XRCC6: variants seen among roughly 807,000 people sequenced by gnomAD.
XRCC6 encodes DNA repair protein Ku70.
XRCC6 carries 5 observed loss-of-function variants against 65.7 expected under a neutral mutation model. The ratio of observed to expected loss-of-function variants is 0.08; its 90% CI spans 0.04 to 0.16. XRCC6 has a LOEUF of 0.16. XRCC6 is among the 10% of genes least tolerant of loss of function. The probability of loss-of-function intolerance (pLI) is 1.00; values close to 1 mark genes in which losing one functional copy is unlikely to be tolerated. For synonymous variants in XRCC6, 270 were observed against 270.6 expected (o/e 1.00, Z 0.02); for missense variants, 447 against 738.1 (o/e 0.61, Z 4.57).
intron 6 of XRCC6, among the ~76,000 whole-genome samples, chr22:41,641,912 C>T (rs1202922088): frequency 6.6e-6 from 1 of 152,100 alleles, no homozygotes; most frequent in Non-Finnish European, 1.5e-5. Flanking sequence ...CCTGCAGCCT[C>T]CCAAGTAGCT....
intron 8 of XRCC6, among the ~76,000 whole-genome samples, chr22:41,651,770 C>G (rs2068000900): frequency 1.3e-5 from 2 of 151,424 alleles, no homozygotes; most frequent in Non-Finnish European, 2.9e-5. Flanking sequence ...TCGTGAGCCA[C>G]TGCACCTGGC....
At chr22:41,632,142 GGGGAGAGGGAGACCGTGGGGAGAGGGATA>G (rs1011813696) in intron 3 of XRCC6, among the ~76,000 whole-genome samples, 3 of 147,418 alleles carry the variant, frequency 2.0e-5, no homozygotes, top group Admixed American at 6.6e-5. Flanking sequence ...GGGAGACCGT[GGGGAGAGGGAGACCGTGGGGAGAGGGATA>G]GGGAGAGGGA....
Position 41,646,908 on chromosome 22 carries a change from G to T in XRCC6, c.786G>T (p.Lys262Asn). 1 of 1,605,950 alleles carries T rather than the reference G, an allele frequency of 6.2e-7. No individual in the cohort carries two copies. The highest frequency in any genetic ancestry group is 8.5e-7 in the Non-Finnish European group (1 of 1,176,172). ...RKRALSRLKL[K>N]LNKDIVISVG... is the part of the protein sequence containing the mutation. ...TTTACTCCCTCAGGTTAAAGCTGAA[G>T]CTCAACAAAGATATAGTGATCTCTG... Residue 262 changes from lysine (K) to asparagine (N), a missense_variant, in exon 7 of 13, where the codon AAG becomes AAT. Physicochemically the swap from Lys to Asn is moderately conservative, Grantham distance 94. Coordinates refer to ENST00000360079, the MANE Select transcript of XRCC6 (RefSeq NM_001469.5).
chr22:41,631,568 T>G (rs2067751366), intron 3 of XRCC6, among the ~76,000 whole-genome samples: 1 of 90,318 alleles, frequency 1.1e-5, no homozygotes. Context: ...TCTCAGACGA[T>G]GGGCGGCCGG....
chr22:41,655,937 T>C (rs1283986425), intron 9 of XRCC6, among the ~76,000 whole-genome samples: 1 of 151,408 alleles, frequency 6.6e-6, no homozygotes, highest in Admixed American at 6.6e-5. Flanking sequence ...TTAGTTAAAA[T>C]AGAAAAGGAG....
intron 2 of XRCC6, among the ~76,000 whole-genome samples, chr22:41,626,950 A>G (rs1329681622): frequency 6.6e-6 from 1 of 151,624 alleles, no homozygotes. Context: ...TAATGTTTGT[A>G]TTTTCAGTAG....
At chr22:41,624,825 G>T (rs952646281) in intron 2 of XRCC6, among the ~76,000 whole-genome samples, 1 of 148,090 alleles carries the variant, frequency 6.8e-6, no homozygotes, top group Non-Finnish European at 1.5e-5. Flanking sequence ...GTGAAACCCT[G>T]TGTCTACTAA....
chr22:41,657,253 G>A (rs1417977666), intron 10 of XRCC6, among the ~76,000 whole-genome samples: 3 of 152,196 alleles, frequency 2.0e-5, no homozygotes, highest in Admixed American at 1.3e-4. Flanking sequence ...TACTTAGCCA[G>A]ATTAGTTGGT....
At chr22:41,645,842 G>C (rs1485526448) in intron 6 of XRCC6, among the ~76,000 whole-genome samples, 3 of 151,494 alleles carry the variant, frequency 2.0e-5, no homozygotes, top group Non-Finnish European at 4.4e-5. Context: ...ATTATAGACT[G>C]TGCGTGCGCC....
chr22:41,661,645 T>C (rs1038378469), intron 12 of XRCC6: 15 of 542,074 alleles, frequency 2.8e-5, no homozygotes, highest in Admixed American at 6.8e-5. Flanking sequence ...GGAATGTAAA[T>C]TAGTACAGCC....
chr22:41,649,738 C>T (rs1335994922), intron 7 of XRCC6, among the ~76,000 whole-genome samples: 6 of 151,794 alleles, frequency 4.0e-5, no homozygotes, highest in African/African-American at 1.5e-4. Context: ...ACCTATAGTC[C>T]CAGCTACTCG....
intron 7 of XRCC6, among the ~76,000 whole-genome samples, chr22:41,648,900 C>T (rs181312061): frequency 2.0e-5 from 3 of 151,670 alleles, no homozygotes; most frequent in Admixed American, 6.6e-5. Flanking sequence ...TTCTTTTGTT[C>T]ATAAAACCCA....
chr22:41,640,658 T>C (rs2067865934), intron 6 of XRCC6, among the ~76,000 whole-genome samples: 1 of 152,242 alleles, frequency 6.6e-6, no homozygotes, highest in Admixed American at 6.5e-5. Context: ...GAGGAGACCT[T>C]GAATCACTCA....
chr22:41,621,976 C>G lies in XRCC6; in HGVS notation c.-15-14C>G. ...TAAATTTGCCTGTTACTGACGTTAA[C>G]GTCTTTCGCCTAGTGAGCAGTAGCC... On this transcript the variant is annotated splice_polypyrimidine_tract_variant and intron_variant, in intron 1 of 12. Transcript: ENST00000360079. 6.2e-7 allele frequency: 1 copy of G among 1,613,046 alleles called. No individual in the cohort carries two copies. Among genetic ancestry groups the G allele is most frequent in the Non-Finnish European group, 8.5e-7 (1 of 1,179,010 alleles).
At chr22:41,625,661 C>T (rs191191158) in intron 2 of XRCC6, among the ~76,000 whole-genome samples, 2 of 152,146 alleles carry the variant, frequency 1.3e-5, no homozygotes, top group East Asian at 3.9e-4. Context: ...TGTTAATCTA[C>T]ACCAAAAGAG....
chr22:41,636,027 C>T, intron 3 of XRCC6, 86 bp from the exon 4 acceptor site: 2 of 1,240,996 alleles, frequency 1.6e-6, no homozygotes, highest in South Asian at 1.8e-5. Context: ...ATTCAGTGCA[C>T]ATATTTTGAG....
At chr22:41,631,983 T>G (rs1261967181) in intron 3 of XRCC6, among the ~76,000 whole-genome samples, 11 of 151,932 alleles carry the variant, frequency 7.2e-5, no homozygotes. Context: ...CGAAAACCAG[T>G]CAGGCGTGGC....
At chr22:41,639,667 C>CTCTTTTT (rs748593929) in intron 6 of XRCC6, among the ~76,000 whole-genome samples, 1 of 81,050 alleles carries the variant, frequency 1.2e-5, no homozygotes, top group African/African-American at 5.7e-5. Context: ...GATTCTCTCT[C>CTCTTTTT]TTTTTTTTTT....
chr22:41,622,032 A>T lies in XRCC6; in HGVS notation c.28A>T (p.Thr10Ser). 6.2e-7 allele frequency: 1 copy of T among 1,614,226 alleles called. No individual in the cohort carries two copies. The highest frequency in any genetic ancestry group is 8.5e-7 in the Non-Finnish European group (1 of 1,180,036). The change falls in exon 2 of 13, where the codon ACC (threonine) becomes TCC (serine). Residue 10 changes from threonine to serine, a missense_variant. Physicochemically the swap from Thr to Ser is moderately conservative, Grantham distance 58. Around this residue, in one of 4 missense-constraint regions of XRCC6, gnomAD observed 228 missense variants for 307.4 expected, o/e 0.74. Coordinates refer to ENST00000360079, the MANE Select transcript of XRCC6 (RefSeq NM_001469.5). MSGWESYYK[T>S]EGDEEAEEEQ... Reference sequence around the variant, plus strand: ...GTCAGGGTGGGAGTCATATTACAAAACCGAGGGCGATGAAGAAGCAGAGGA... The same window carrying T: ...GTCAGGGTGGGAGTCATATTACAAATCCGAGGGCGATGAAGAAGCAGAGGA...
Sources: allele counts gnomAD v4.1 joint callset (sites outside exome capture counted in the v4.1 genomes callset), GRCh38; gene constraint gnomAD v4.1.1; regional missense constraint gnomAD v4.1.1; transcripts MANE v1.5; gene names NCBI Gene and HGNC (gene_info 2026-07-23, HGNC 2026-07-21).